KATNAL1: variants seen among roughly 807,000 people sequenced by gnomAD.
The protein encoded by KATNAL1 is katanin catalytic subunit A1 like 1.
KATNAL1 carries 32 observed loss-of-function variants against 55.2 expected under a neutral mutation model. The ratio of observed to expected loss-of-function variants is 0.58; its 90% CI spans 0.44 to 0.78. The LOEUF (loss-of-function observed/expected upper bound fraction) is 0.78. Ranked by LOEUF, KATNAL1 falls within the 30% of genes least tolerant of loss-of-function variation. KATNAL1 has a pLI of 0.00. For missense variants in KATNAL1, 466 were observed against 600.9 expected, an observed-to-expected ratio of 0.78 and a Z score of 2.35; for synonymous variants, 193 against 193.6, an observed-to-expected ratio of 1.00 and a Z score of 0.02.
At chr13:30,298,469 A>G (rs1395650428) in intron 1 of KATNAL1, among the ~76,000 whole-genome samples, 1 of 152,188 alleles carries the variant, frequency 6.6e-6, no homozygotes, top group African/African-American at 2.4e-5. Context: ...TCATTTACCC[A>G]GGCTTTACTT....
rs191650567 is a variant in KATNAL1, at chr13:30,258,063, T to C, written c.324-2448A>G. 3.5e-4 allele frequency among the ~76,000 whole-genome samples: 54 copies of C among 152,326 alleles called. 1 individual carries two copies. The highest frequency in any genetic ancestry group is 4.4e-4 in the Non-Finnish European group (30 of 68,018). On this transcript the variant is annotated intron_variant, in intron 3 of 10. Transcript: ENST00000380615. Reference sequence around the variant, plus strand: ...TCTTTTACTAGTCTCTCTGTAAAAATAGACTTTAGTAGGATTACATAGCAT... The same window carrying C: ...TCTTTTACTAGTCTCTCTGTAAAAACAGACTTTAGTAGGATTACATAGCAT...
chr13:30,278,680 T>G (rs1881047186), intron 3 of KATNAL1, among the ~76,000 whole-genome samples: 1 of 152,232 alleles, frequency 6.6e-6, no homozygotes, highest in African/African-American at 2.4e-5. Context: ...AGGTTTAAAC[T>G]AGAAGTATAT....
At chr13:30,217,895 C>A (rs1874448535) in intron 9 of KATNAL1, among the ~76,000 whole-genome samples, 2 of 152,144 alleles carry the variant, frequency 1.3e-5, no homozygotes, top group Non-Finnish European at 2.9e-5. Context: ...ACAGAAGTGT[C>A]CTTTTCCTGA....
intron 9 of KATNAL1, among the ~76,000 whole-genome samples, chr13:30,222,051 CAGAA>C (rs1387234265): frequency 1.3e-5 from 2 of 151,960 alleles, no homozygotes; most frequent in Non-Finnish European, 2.9e-5. Flanking sequence ...AACTCCATCT[CAGAA>C]AGAAAAAAGA....
intron 1 of KATNAL1, chr13:30,296,385 A>G: frequency 1.8e-6 from 2 of 1,098,924 alleles, no homozygotes; most frequent in South Asian, 2.6e-5. Flanking sequence ...GTGGACTCTC[A>G]GTTCACCCAC....
At chr13:30,210,777 C>A (rs1309587501) in intron 9 of KATNAL1, 1 of 164,386 alleles carries the variant, frequency 6.1e-6, no homozygotes, top group Non-Finnish European at 1.3e-5. Context: ...TTTCAAGCAC[C>A]GGAAATGCTT....
At chr13:30,219,040 C>T (rs1377340024) in intron 9 of KATNAL1, among the ~76,000 whole-genome samples, 4 of 152,080 alleles carry the variant, frequency 2.6e-5, no homozygotes, top group Admixed American at 6.5e-5. Flanking sequence ...TATAAAGAGG[C>T]ATTACATCTA....
intron 3 of KATNAL1, among the ~76,000 whole-genome samples, chr13:30,256,918 A>G (rs1878845342): frequency 6.6e-6 from 1 of 152,214 alleles, no homozygotes; most frequent in Non-Finnish European, 1.5e-5. Flanking sequence ...CCTCTACCAC[A>G]CTGACCCTAG....
chr13:30,221,142 T>C (rs1345919363), intron 9 of KATNAL1, among the ~76,000 whole-genome samples: 1 of 152,248 alleles, frequency 6.6e-6, no homozygotes, highest in Non-Finnish European at 1.5e-5. Context: ...AATTATGTTA[T>C]ACAAGCCTTG....
chr13:30,257,946 G>A (rs2137468670), intron 3 of KATNAL1, among the ~76,000 whole-genome samples: 1 of 152,290 alleles, frequency 6.6e-6, no homozygotes, highest in African/African-American at 2.4e-5. Flanking sequence ...GTACTTCTTT[G>A]TCCACTAGCA....
At chr13:30,250,118 A>G (rs1878162931) in intron 4 of KATNAL1, among the ~76,000 whole-genome samples, 1 of 152,254 alleles carries the variant, frequency 6.6e-6, no homozygotes, top group Admixed American at 6.5e-5. Context: ...GAGTTCAGTG[A>G]CATGATGTTG....
In KATNAL1 at chr13:30,227,403, ACAT is replaced by A. The variant is rs1281011877; in HGVS notation, c.1147+6_1147+8del. ...TAACAGAAAGCTCAAAATAGAGAAG[ACAT>A]CATACCTGTTGGGAGAGGTATATAT... On this transcript the variant is annotated splice_donor_region_variant and intron_variant, in intron 9 of 10. Transcript: ENST00000380615. The A allele has an allele frequency of 6.2e-7, 1 of 1,604,694 alleles. No individual in the cohort carries two copies. Among genetic ancestry groups the A allele is most frequent in the Admixed American group, 1.7e-5 (1 of 58,826 alleles).
At chr13:30,252,774 G>A (rs1373095367) in intron 4 of KATNAL1, among the ~76,000 whole-genome samples, 3 of 148,600 alleles carry the variant, frequency 2.0e-5, no homozygotes, top group African/African-American at 5.0e-5. Flanking sequence ...ACCAAGTCTC[G>A]CTCTGTTGCC....
intron 3 of KATNAL1, among the ~76,000 whole-genome samples, chr13:30,265,592 T>C (rs911785430): frequency 6.6e-6 from 1 of 152,008 alleles, no homozygotes; most frequent in Non-Finnish European, 1.5e-5. Flanking sequence ...ATATTCAACT[T>C]ATTAAATTTA....
rs547670157 is a variant in KATNAL1, at chr13:30,283,008, G to A, written c.162+608C>T. ...AAATGGGCCAGGTACAGCGGCTCAC[G>A]CTTGTAATCCCAGCACTTTGGGAGG... is the stretch of plus-strand genomic sequence containing the variant. On this transcript the variant is annotated intron_variant, in intron 2 of 10. Transcript: ENST00000380615. Among the ~76,000 whole-genome samples the A allele has an allele frequency of 1.8e-4, 27 of 149,850 alleles. No individual in the cohort carries two copies. In the South Asian group the frequency reaches 3.8e-3, roughly 21 times the overall value.
chr13:30,281,813 G>C (rs907949351), intron 2 of KATNAL1: 4 of 152,180 alleles, frequency 2.6e-5, no homozygotes, highest in Admixed American at 6.5e-5. Flanking sequence ...ACACAGAGAA[G>C]ACCAGCATGT....
intron 9 of KATNAL1, among the ~76,000 whole-genome samples, chr13:30,221,659 A>AT (rs1414023162): frequency 1.1e-4 from 17 of 152,240 alleles, no homozygotes; most frequent in Admixed American, 1.1e-3. Context: ...TGTGCCAAGA[A>AT]TTTAAGAGTG....
chr13:30,206,342 C>T lies in KATNAL1; in HGVS notation c.*2198G>A, dbSNP rs1873149835. ...GTTAAATAGAACACCTGAGGGATGT[C>T]TTTAAGATCCTTTAAGGGATTTAAG... On this transcript the variant is annotated 3_prime_UTR_variant, in exon 11 of 11. Transcript: ENST00000380615. The T allele has an allele frequency of 6.6e-6, 1 of 151,828 alleles. No homozygotes were observed. The highest frequency in any genetic ancestry group is 2.1e-4 in the South Asian group (1 of 4,802). 9.4% of individuals were successfully genotyped at this position (151,828 alleles called of 1,614,324 possible). A position where few individuals can be genotyped will look rare whatever the true frequency, so the allele number is the denominator to read the frequency against.
At position 30,255,536 on chromosome 13, in the gene KATNAL1, G is replaced by A; in HGVS notation, c.403C>T (p.Pro135Ser). 1 of 1,595,188 alleles carries A rather than the reference G, an allele frequency of 6.3e-7. No individual in the cohort carries two copies. Among genetic ancestry groups the A allele is most frequent in the South Asian group, 1.1e-5 (1 of 89,166 alleles). ...KEMAGVGARG[P>S]VGRAHPISKS... ...GATATAGGATGTGCTCGGCCTACAGGTCCCCGGGCTCCTACTCCTGCCATT... is the reference window on the plus strand; with the variant it reads ...GATATAGGATGTGCTCGGCCTACAGATCCCCGGGCTCCTACTCCTGCCATT... Residue 135 changes from proline to serine, a missense_variant, in exon 4 of 11, where the codon CCT becomes TCT. Coordinates refer to ENST00000380615, the MANE Select transcript of KATNAL1 (RefSeq NM_032116.5).
Sources: allele counts gnomAD v4.1 joint callset (sites outside exome capture counted in the v4.1 genomes callset), GRCh38; gene constraint gnomAD v4.1.1; transcripts MANE v1.5; gene names NCBI Gene and HGNC (gene_info 2026-07-23, HGNC 2026-07-21).